OCA2: variants seen among roughly 807,000 people sequenced by gnomAD.
OCA2 encodes the protein OCA2 melanosomal transmembrane protein, also known as P protein.
In OCA2, 77 loss-of-function variants were observed where a neutral mutation model predicts 100.2. The ratio of observed to expected loss-of-function variants is 0.77; its 90% CI spans 0.64 to 0.93. The LOEUF (loss-of-function observed/expected upper bound fraction) is 0.93. Ranked by LOEUF, OCA2 falls within the 40% of genes least tolerant of loss-of-function variation. OCA2 has a pLI of 0.00. For missense variants in OCA2, 1,062 were observed against 1,089.1 expected (o/e 0.98, Z 0.35); for synonymous variants, 432 against 439.2 (o/e 0.98, Z 0.21).
At chr15:28,076,041 C>T (rs945851776) in intron 2 of OCA2, among the ~76,000 whole-genome samples, 1 of 152,156 alleles carries the variant, frequency 6.6e-6, no homozygotes, top group African/African-American at 2.4e-5. Context: ...AAAATAATAG[C>T]TTTGAGCAAT....
chr15:27,835,999 C>T (rs1378011000), intron 23 of OCA2, among the ~76,000 whole-genome samples: 1 of 152,206 alleles, frequency 6.6e-6, no homozygotes, highest in African/African-American at 2.4e-5. Context: ...TCTCCTGACA[C>T]CCTCCTGACA....
At chr15:27,871,347 G>A in intron 20 of OCA2, 89 bp from the exon 21 acceptor site, 1 of 936,882 alleles carries the variant, frequency 1.1e-6, no homozygotes, top group South Asian at 1.3e-5. Flanking sequence ...GGGCCCGAGG[G>A]TGTTAGTCCT....
intron 23 of OCA2, among the ~76,000 whole-genome samples, chr15:27,798,281 G>A (rs1353231385): frequency 2.0e-5 from 3 of 152,160 alleles, no homozygotes; most frequent in Non-Finnish European, 2.9e-5. Context: ...TTGTGAGCTC[G>A]GTTCTGCCTA....
intron 2 of OCA2, among the ~76,000 whole-genome samples, chr15:28,047,507 T>C (rs1484816900): frequency 2.0e-5 from 3 of 152,184 alleles, no homozygotes; most frequent in African/African-American, 7.2e-5. Flanking sequence ...TCTAGGCTTC[T>C]TCCCCCACTT....
At chr15:27,827,748 C>T (rs887295379) in intron 23 of OCA2, among the ~76,000 whole-genome samples, 1 of 152,056 alleles carries the variant, frequency 6.6e-6, no homozygotes, top group African/African-American at 2.4e-5. Context: ...TGAATATAGA[C>T]GTATTTAAAA....
intron 18 of OCA2, among the ~76,000 whole-genome samples, chr15:27,933,569 C>T (rs376317432): frequency 3.4e-4 from 52 of 152,160 alleles, no homozygotes; most frequent in African/African-American, 1.1e-3. Flanking sequence ...AGAGAGTCAG[C>T]GAAGGGAGTT....
chr15:27,810,800 G>A (rs1194402269), intron 23 of OCA2, among the ~76,000 whole-genome samples: 1 of 152,162 alleles, frequency 6.6e-6, no homozygotes, highest in Non-Finnish European at 1.5e-5. Context: ...TGAAGGAAAT[G>A]CAAATCAAAA....
chr15:28,038,085 C>T (rs1248067080), intron 2 of OCA2, among the ~76,000 whole-genome samples: 1 of 151,444 alleles, frequency 6.6e-6, no homozygotes, highest in Non-Finnish European at 1.5e-5. Context: ...TCTCTCTTCT[C>T]CTCTCTTTCT....
At chr15:27,997,082 G>GAGAGAAAGAAAGAA (rs71132830) in intron 9 of OCA2, among the ~76,000 whole-genome samples, 81,095 of 123,732 alleles carry the variant, frequency 0.66, 29,712 homozygotes, top group Non-Finnish European at 0.83. Context: ...GGGAGAAAGA[G>GAGAGAAAGAAAGAA]AGAGAAAGAA....
intron 22 of OCA2, among the ~76,000 whole-genome samples, chr15:27,849,733 C>T (rs979189446): frequency 4.6e-5 from 7 of 152,082 alleles, no homozygotes; most frequent in Admixed American, 3.3e-4. Flanking sequence ...TGCAGATGGA[C>T]GGTGGTGACG....
the OCA2 span, among the ~76,000 whole-genome samples, chr15:27,730,945 G>A: frequency 6.6e-6 from 1 of 151,574 alleles, no homozygotes; most frequent in Non-Finnish European, 1.5e-5. Flanking sequence ...TCTAAAGCCT[G>A]TGTTTTCTCA....
chr15:27,821,750 C>T (rs1054990357), intron 23 of OCA2, among the ~76,000 whole-genome samples: 4 of 152,068 alleles, frequency 2.6e-5, no homozygotes, highest in East Asian at 1.9e-4. Context: ...CATATAAGCT[C>T]GCATACATAC....
intron 2 of OCA2, among the ~76,000 whole-genome samples, chr15:28,074,128 C>T (rs1264064233): frequency 6.6e-6 from 1 of 152,150 alleles, no homozygotes; most frequent in South Asian, 2.1e-4. Context: ...CCAAAGCAAT[C>T]TTGAGAAAGA....
At chr15:27,916,663 C>T (rs2594943) in intron 19 of OCA2, among the ~76,000 whole-genome samples, 96,896 of 152,008 alleles carry the variant, frequency 0.64, 31,483 homozygotes, top group East Asian at 0.96. Flanking sequence ...GGACAAGATG[C>T]CTACAGTTTT....
chr15:27,940,418 T>A (rs1219659137), intron 18 of OCA2, among the ~76,000 whole-genome samples: 1 of 152,206 alleles, frequency 6.6e-6, no homozygotes, highest in Non-Finnish European at 1.5e-5. Flanking sequence ...ATTCCTAGCC[T>A]GGCATTTACA....
At chr15:27,720,580 A>G in the OCA2 span, among the ~76,000 whole-genome samples, 1 of 151,476 alleles carries the variant, frequency 6.6e-6, no homozygotes, top group Non-Finnish European at 1.5e-5. Flanking sequence ...ATGGATCTCA[A>G]AACCACTAGG....
chr15:27,777,863 C>T (rs921506162), intron 23 of OCA2, among the ~76,000 whole-genome samples: 2 of 152,192 alleles, frequency 1.3e-5, no homozygotes, highest in Non-Finnish European at 2.9e-5. Flanking sequence ...CTCTGAATTT[C>T]ATATTCATGG....
At chr15:27,727,085 G>A in the OCA2 span, among the ~76,000 whole-genome samples, 7 of 152,200 alleles carry the variant, frequency 4.6e-5, no homozygotes, top group Non-Finnish European at 1.0e-4. Flanking sequence ...GATGTTAGAA[G>A]GCGCACCATG....
chr15:27,797,317 G>A (rs1345970955), intron 23 of OCA2, among the ~76,000 whole-genome samples: 1 of 152,142 alleles, frequency 6.6e-6, no homozygotes, highest in Non-Finnish European at 1.5e-5. Context: ...TGTGTGTATG[G>A]CAATCCCTGG....
Sources: allele counts gnomAD v4.1 joint callset (sites outside exome capture counted in the v4.1 genomes callset), GRCh38; gene constraint gnomAD v4.1.1; transcripts MANE v1.5; gene names NCBI Gene and HGNC (gene_info 2026-07-23, HGNC 2026-07-21).